The following TMEM232 variants were observed in gnomAD, a reference collection of about 807,000 sequenced individuals.
TMEM232 encodes transmembrane protein 232.
TMEM232 carries 80 observed loss-of-function variants against 78.8 expected under a neutral mutation model. That is an observed-to-expected ratio of 1.01 (90% CI 0.85 to 1.22). The LOEUF is 1.22. Ranked by LOEUF, TMEM232 falls within the 50% of genes most tolerant of loss-of-function variation. The pLI is 0.00. For missense variants in TMEM232, 881 were observed against 742.2 expected, an observed-to-expected ratio of 1.19 and a Z score of -2.17; for synonymous variants, 297 against 254.3, an observed-to-expected ratio of 1.17 and a Z score of -1.60.
intron 4 of TMEM232, among the ~76,000 whole-genome samples, chr5:110,639,664 C>T (rs1200969359): frequency 6.6e-6 from 1 of 152,214 alleles, no homozygotes; most frequent in Non-Finnish European, 1.5e-5. Context: ...CTTTACATCA[C>T]TGTGCTCAGG....
At chr5:110,578,330 CA>C (rs1777797369) in intron 10 of TMEM232, among the ~76,000 whole-genome samples, 1 of 151,794 alleles carries the variant, frequency 6.6e-6, no homozygotes, top group Non-Finnish European at 1.5e-5. Context: ...AAGAAAATAA[CA>C]AAAATGTTCT....
chr5:110,573,534 C>T (rs762935711), intron 10 of TMEM232, among the ~76,000 whole-genome samples: 1 of 151,966 alleles, frequency 6.6e-6, no homozygotes, highest in Non-Finnish European at 1.5e-5. Flanking sequence ...GTTCTCTGTA[C>T]TAAAGAAAAA....
intron 10 of TMEM232, among the ~76,000 whole-genome samples, chr5:110,596,662 C>T (rs1780207236): frequency 6.6e-6 from 1 of 152,140 alleles, no homozygotes; most frequent in Non-Finnish European, 1.5e-5. Context: ...AAAGCTTATC[C>T]ACCATGATCA....
chr5:110,533,702 T>G (rs1344229950), intron 11 of TMEM232, among the ~76,000 whole-genome samples: 2 of 152,168 alleles, frequency 1.3e-5, no homozygotes, highest in Non-Finnish European at 2.9e-5. Flanking sequence ...TCCCACATTA[T>G]TCCTGATACC....
At chr5:110,390,247 C>T (rs1353323292) in intron 4 of TMEM232, among the ~76,000 whole-genome samples, 1 of 152,162 alleles carries the variant, frequency 6.6e-6, no homozygotes, top group Admixed American at 6.5e-5. Context: ...TTGACTGATA[C>T]AATCTCACTG....
intron 12 of TMEM232, among the ~76,000 whole-genome samples, chr5:110,452,108 G>T (rs1760365661): frequency 6.6e-6 from 1 of 152,022 alleles, no homozygotes; most frequent in Admixed American, 6.6e-5. Flanking sequence ...GACTTTAAAA[G>T]ATGCAATCTT....
At chr5:110,454,648 G>C (rs1760700282) in intron 12 of TMEM232, among the ~76,000 whole-genome samples, 2 of 151,874 alleles carry the variant, frequency 1.3e-5, no homozygotes, top group Non-Finnish European at 1.5e-5. Flanking sequence ...GAAAATGAAA[G>C]CACTGACAAA....
rs66736608 is a variant in TMEM232 at position 110,620,577 on chromosome 5, ATCTCTCTCTCTCTCTCTCTCTCTC to A, written c.769-2039_769-2016del. 7.4e-3 allele frequency among the ~76,000 whole-genome samples: 319 copies of A among 43,136 alleles called. 5 individuals are homozygous for A. Among genetic ancestry groups the A allele is most frequent in the African/African-American group, 0.016 (221 of 13,592 alleles). The allele number at this position is 43,136 out of a possible 152,430, so 28.3% of individuals were successfully genotyped here. The stretch of plus-strand genomic sequence containing the variant: ...TAGTTCCTTGTGGTATGTCTCTCAT[ATCTCTCTCTCTCTCTCTCTCTCTC>A]TCTCTCTCTCTCTCTCTCTCTCTCT... On this transcript the variant is annotated intron_variant, in intron 7 of 13. Coordinates refer to ENST00000455884, the MANE Select transcript of TMEM232 (RefSeq NM_001039763.4).
rs577426281 is a variant in TMEM232, at chr5:110,397,229, C to G, written n.390+544G>C. On this transcript the variant is annotated intron_variant and non_coding_transcript_variant, in intron 3 of 8. Coordinates refer to the TMEM232 transcript ENST00000507188. ...GTCAACTTGATTAAACTCTTAGTTCCTCAAGACTAGATATATGCCATCTGT... is the reference window on the plus strand; with the variant it reads ...GTCAACTTGATTAAACTCTTAGTTCGTCAAGACTAGATATATGCCATCTGT... Among the ~76,000 whole-genome samples, 11 of 152,216 alleles carry G rather than the reference C, an allele frequency of 7.2e-5. No individual in the cohort carries two copies. In the South Asian group the frequency reaches 2.3e-3, roughly 32 times the overall value.
At chr5:110,660,114 T>C (rs1040469254) in intron 2 of TMEM232, among the ~76,000 whole-genome samples, 1 of 152,094 alleles carries the variant, frequency 6.6e-6, no homozygotes, top group African/African-American at 2.4e-5. Context: ...AATTATATTC[T>C]GACACATCAT....
chr5:110,691,786 T>G (rs1431595467), intron 1 of TMEM232, among the ~76,000 whole-genome samples: 1 of 152,254 alleles, frequency 6.6e-6, no homozygotes, highest in Non-Finnish European at 1.5e-5. Flanking sequence ...ACATGTAATG[T>G]AAATGAGCAT....
intron 10 of TMEM232, among the ~76,000 whole-genome samples, chr5:110,596,576 G>C (rs2149792634): frequency 1.3e-5 from 2 of 152,212 alleles, no homozygotes; most frequent in East Asian, 1.9e-4. Flanking sequence ...GAGAATTTTA[G>C]ACCAATATCC....
chr5:110,622,992 T>TAATAAATAAATAAATAAATA lies in TMEM232; in HGVS notation c.768+2255_768+2274dup, dbSNP rs146087253. ...ATGTACCCTAAAACTTAAAGTATAA[T>TAATAAATAAATAAATAAATA]AATAAATAAATAAATAAATAAATAA... On this transcript the variant is annotated intron_variant, in intron 7 of 13. Coordinates refer to ENST00000455884, the MANE Select transcript of TMEM232 (RefSeq NM_001039763.4). Among the ~76,000 whole-genome samples the TAATAAATAAATAAATAAATA allele has an allele frequency of 2.9e-3, 436 of 149,004 alleles. 3 individuals carry two copies. Among genetic ancestry groups the TAATAAATAAATAAATAAATA allele is most frequent in the South Asian group, 0.013 (62 of 4,700 alleles).
intron 11 of TMEM232, among the ~76,000 whole-genome samples, chr5:110,534,331 G>T (rs905173604): frequency 6.6e-6 from 1 of 152,164 alleles, no homozygotes; most frequent in African/African-American, 2.4e-5. Flanking sequence ...CAGTCTTCAA[G>T]AAAAGTAGAA....
chr5:110,465,055 G>A (rs1761929391), intron 12 of TMEM232, among the ~76,000 whole-genome samples: 1 of 152,192 alleles, frequency 6.6e-6, no homozygotes, highest in Non-Finnish European at 1.5e-5. Flanking sequence ...AGCTGAGATG[G>A]TCTAACAAAT....
At chr5:110,617,805 A>T (rs1783126771) in intron 8 of TMEM232, 1 of 152,704 alleles carries the variant, frequency 6.5e-6, no homozygotes, top group Non-Finnish European at 1.4e-5. Context: ...TCTACTAAAA[A>T]ATCAACAAAC....
chr5:110,470,663 T>C (rs539772001), intron 12 of TMEM232, among the ~76,000 whole-genome samples: 1 of 152,218 alleles, frequency 6.6e-6, no homozygotes, highest in African/African-American at 2.4e-5. Flanking sequence ...TTATTGCTGA[T>C]GTTGATTGCA....
rs1363074914 is a variant in TMEM232 at position 110,568,489 on chromosome 5, A to G, written c.1413T>C (p.Tyr471=). The G allele has an allele frequency of 3.2e-6, 5 of 1,548,924 alleles. No homozygotes were observed. The South Asian group carries it at 6.0e-5, about 18-fold the overall frequency. The part of the protein sequence containing the change: ...IWQTLQKTKD[Y]EEDVRIQNAI... The stretch of plus-strand genomic sequence containing the variant: ...CATTTTGGATTCGTACATCTTCCTC[A>G]TAATCCTTTGTTTTCTGCAATGTTT... The change falls in exon 11 of 14, where the codon TAT becomes TAC. Residue 471 remains tyrosine (Y), a synonymous_variant. Transcript: ENST00000455884.
At chr5:110,392,156 G>A (rs186368454) in intron 3 of TMEM232, among the ~76,000 whole-genome samples, 2 of 152,310 alleles carry the variant, frequency 1.3e-5, no homozygotes, top group Admixed American at 6.5e-5. Context: ...CAGGTGGCAT[G>A]ATCAACTTGG....
Sources: allele counts gnomAD v4.1 joint callset (sites outside exome capture counted in the v4.1 genomes callset), GRCh38; gene constraint gnomAD v4.1.1; transcripts MANE v1.5; gene names NCBI Gene and HGNC (gene_info 2026-07-23, HGNC 2026-07-21).